Variants in NBAS observed in about 807,000 individuals in gnomAD.
NBAS encodes the protein NAG/BC035112 fusion.
Under a neutral mutation model 302.5 loss-of-function variants are expected in NBAS, and 219 were observed. That is an observed-to-expected ratio of 0.72 (90% CI 0.65 to 0.81). The LOEUF (loss-of-function observed/expected upper bound fraction) is 0.81. Ranked by LOEUF, NBAS falls within the 30% of genes least tolerant of loss-of-function variation. The pLI is 0.00. For missense variants in NBAS, 2,932 were observed against 2,841.6 expected, an observed-to-expected ratio of 1.03 and a Z score of -0.72; for synonymous variants, 1,118 against 1,021.6, an observed-to-expected ratio of 1.09 and a Z score of -1.80.
intron 14 of NBAS, 88 bp downstream of exon 14, chr2:15,475,599 G>T: frequency 7.9e-7 from 1 of 1,264,724 alleles, no homozygotes; most frequent in Non-Finnish European, 1.1e-6. Flanking sequence ...TTAAAGAAAA[G>T]ATAATAAGAC....
intron 9 of NBAS, among the ~76,000 whole-genome samples, chr2:15,521,716 T>C (rs983000354): frequency 6.6e-6 from 1 of 152,066 alleles, no homozygotes; most frequent in African/African-American, 2.4e-5. Context: ...AAAACAACAA[T>C]GACATTTTGA....
chr2:15,060,101 C>T, the NBAS span, among the ~76,000 whole-genome samples: 1 of 152,088 alleles, frequency 6.6e-6, no homozygotes, highest in Non-Finnish European at 1.5e-5. Flanking sequence ...GAATGAGTCA[C>T]CTAATGTTAC....
chr2:14,813,238 T>C, the NBAS span, among the ~76,000 whole-genome samples: 1 of 152,224 alleles, frequency 6.6e-6, no homozygotes, highest in Non-Finnish European at 1.5e-5. Context: ...GAAGCAACCT[T>C]AAAACTGGGT....
At chr2:15,349,692 G>A (rs963211719) in intron 35 of NBAS, among the ~76,000 whole-genome samples, 3 of 152,078 alleles carry the variant, frequency 2.0e-5, no homozygotes, top group Admixed American at 6.6e-5. Flanking sequence ...AGTGGTTCAC[G>A]CCTGTATTCC....
At chr2:15,206,716 G>C (rs1302697679) in intron 48 of NBAS, among the ~76,000 whole-genome samples, 2 of 152,232 alleles carry the variant, frequency 1.3e-5, no homozygotes, top group Non-Finnish European at 2.9e-5. Context: ...CAGAGCTCAG[G>C]CCATTGCTTC....
At chr2:15,079,733 G>A in the NBAS span, among the ~76,000 whole-genome samples, 8 of 152,206 alleles carry the variant, frequency 5.3e-5, no homozygotes, top group Admixed American at 1.3e-4. Flanking sequence ...TCTGCAGCCC[G>A]TGGATTGGTC....
In NBAS at chr2:15,303,004, T is replaced by C. The variant is rs191548716; in HGVS notation, c.4797+5212A>G. Among the ~76,000 whole-genome samples the C allele has an allele frequency of 3.5e-4, 53 of 152,334 alleles. 1 individual carries two copies. The highest frequency in any genetic ancestry group is 1.0e-3 in the African/African-American group (42 of 41,576). ...TGTTAGTGGCTCTTGGGCTTTCAGC[T>C]GCAGACTGGAGACTGCACTGTCGGC... On this transcript the variant is annotated intron_variant, in intron 40 of 51. Coordinates refer to ENST00000281513, the MANE Select transcript of NBAS (RefSeq NM_015909.4).
the NBAS span, among the ~76,000 whole-genome samples, chr2:14,929,761 GC>G: frequency 6.6e-6 from 1 of 152,110 alleles, no homozygotes; most frequent in South Asian, 2.1e-4. Flanking sequence ...CACATGGGTT[GC>G]TAGTGCAGAG....
the NBAS span, among the ~76,000 whole-genome samples, chr2:14,903,021 A>G: frequency 1.2e-3 from 176 of 152,278 alleles, no homozygotes; most frequent in African/African-American, 4.1e-3. Context: ...GCAAAGACCC[A>G]TCCCAGTGAA....
the NBAS span, among the ~76,000 whole-genome samples, chr2:15,005,490 A>G: frequency 6.6e-6 from 1 of 152,332 alleles, no homozygotes; most frequent in Admixed American, 6.5e-5. Flanking sequence ...CATTATTTCA[A>G]AGGTTAAGTG....
At chr2:15,522,763 A>C (rs900247629) in intron 9 of NBAS, among the ~76,000 whole-genome samples, 1 of 152,238 alleles carries the variant, frequency 6.6e-6, no homozygotes, top group Non-Finnish European at 1.5e-5. Context: ...AAGCAGGCTA[A>C]ATCCACGTAT....
the NBAS span, among the ~76,000 whole-genome samples, chr2:15,069,410 C>T: frequency 6.6e-6 from 1 of 152,172 alleles, no homozygotes; most frequent in East Asian, 1.9e-4. Context: ...GTTCTCAACC[C>T]TTCATCTTGA....
intron 44 of NBAS, among the ~76,000 whole-genome samples, chr2:15,251,847 T>C (rs1196305175): frequency 6.6e-6 from 1 of 152,192 alleles, no homozygotes; most frequent in Admixed American, 6.5e-5. Context: ...ATGACTTAGA[T>C]TGCCTTAACC....
chr2:15,300,952 G>T (rs894904278), intron 40 of NBAS, among the ~76,000 whole-genome samples: 1 of 152,180 alleles, frequency 6.6e-6, no homozygotes, highest in South Asian at 2.1e-4. Flanking sequence ...TCTAAGTTCT[G>T]AGCAGCCAGA....
chr2:15,169,948 C>T (rs1187004134), intron 51 of NBAS, among the ~76,000 whole-genome samples: 1 of 152,224 alleles, frequency 6.6e-6, no homozygotes, highest in Non-Finnish European at 1.5e-5. Flanking sequence ...CCCTGCCTAA[C>T]CCTGCAGGAC....
chr2:15,041,109 A>G, the NBAS span, among the ~76,000 whole-genome samples: 1 of 152,162 alleles, frequency 6.6e-6, no homozygotes, highest in Non-Finnish European at 1.5e-5. Flanking sequence ...TCTCTATTCC[A>G]ATATTCACAT....
the NBAS span, among the ~76,000 whole-genome samples, chr2:15,056,979 C>A: frequency 2.0e-5 from 3 of 151,978 alleles, no homozygotes; most frequent in African/African-American, 7.3e-5. Flanking sequence ...CAGGCACTTG[C>A]CACCACGCCC....
intron 46 of NBAS, among the ~76,000 whole-genome samples, chr2:15,233,431 A>C (rs773174026): frequency 2.0e-5 from 3 of 152,208 alleles, no homozygotes; most frequent in East Asian, 3.8e-4. Context: ...AAAATGGGCA[A>C]TTTTTAAGAA....
the NBAS span, among the ~76,000 whole-genome samples, chr2:14,929,402 G>A: frequency 0.013 from 2,004 of 152,100 alleles, 49 homozygotes; most frequent in African/African-American, 0.046. Flanking sequence ...TTTTTGAGAC[G>A]GAGTCTCACT....
Sources: allele counts gnomAD v4.1 joint callset (sites outside exome capture counted in the v4.1 genomes callset), GRCh38; gene constraint gnomAD v4.1.1; transcripts MANE v1.5; gene names NCBI Gene and HGNC (gene_info 2026-07-23, HGNC 2026-07-21).